The following SPATA7 variants were observed in gnomAD, a reference collection of about 807,000 sequenced individuals.
The protein encoded by SPATA7 is spermatogenesis associated 7, also known as spermatogenesis-associated protein 7.
A neutral mutation model predicts 51.8 loss-of-function variants in SPATA7; 43 were observed. The observed-to-expected ratio is 0.83, with a 90% CI of 0.65 to 1.07. The LOEUF is 1.07. SPATA7 is among the 50% of genes least tolerant of loss of function. The pLI, the probability that SPATA7 is intolerant of heterozygous loss-of-function variation, is 0.00. For missense variants in SPATA7, 683 were observed against 701.3 expected (o/e 0.97, Z 0.30); for synonymous variants, 230 against 252.8 (o/e 0.91, Z 0.86).
At chr14:88,433,294 A>C (rs544353546) in intron 10 of SPATA7, 82 bp downstream of exon 10, 15 of 1,025,120 alleles carry the variant, frequency 1.5e-5, no homozygotes, top group Non-Finnish European at 2.0e-5. Flanking sequence ...TTAAAATTTT[A>C]AAGTTATTTT....
Position 88,386,369 on chromosome 14 carries a change from TA to T in SPATA7, c.19+534del, listed in dbSNP as rs1197804606. Among the ~76,000 whole-genome samples, 4 of 152,290 alleles carry T rather than the reference TA, an allele frequency of 2.6e-5. No individual in the cohort carries two copies. The East Asian group carries it at 5.8e-4, about 22-fold the overall frequency. ...AACTACCTCCCCCAAAGCTACTGAG[TA>T]ACCCAGGGTTTCTGTAACTTTCTGT... is the stretch of plus-strand genomic sequence containing the variant. On this transcript the variant is annotated intron_variant, in intron 1 of 11. Coordinates refer to ENST00000393545, the MANE Select transcript of SPATA7 (RefSeq NM_018418.5).
At chr14:88,420,666 C>A (rs942370697) in intron 5 of SPATA7, among the ~76,000 whole-genome samples, 14 of 152,150 alleles carry the variant, frequency 9.2e-5, no homozygotes, top group African/African-American at 3.4e-4. Flanking sequence ...TAGCAATGAT[C>A]AGCTCAGAGC....
At chr14:88,447,277 G>T (rs2077220430) in intron 3 of SPATA7, among the ~76,000 whole-genome samples, 1 of 150,068 alleles carries the variant, frequency 6.7e-6, no homozygotes, top group African/African-American at 2.5e-5. Flanking sequence ...TTGGTTTAAA[G>T]TCTGTTTTAT....
At chr14:88,459,448 G>A (rs1349595033), downstream of SPATA7, among the ~76,000 whole-genome samples, 1 of 152,308 alleles carries the variant, frequency 6.6e-6, no homozygotes, top group East Asian at 1.9e-4. Flanking sequence ...AGCTCTTCTT[G>A]TTGAATTGAT....
rs1190095004 is a variant in SPATA7, at chr14:88,415,500, T to TAAAAAATAAAATA, written c.239-1211_239-1210insAAAAAATAAAATA. On this transcript the variant is annotated intron_variant, in intron 4 of 11. Transcript: ENST00000393545. ...GGTTGGGTCTTGTTTTTTGTTTTTT[T>TAAAAAATAAAATA]TTAAATAAAATATTATTTTATTTTT... Among the ~76,000 whole-genome samples, 1,229 of 151,250 alleles carry TAAAAAATAAAATA rather than the reference T, an allele frequency of 8.1e-3. 15 individuals are homozygous for TAAAAAATAAAATA. Among genetic ancestry groups the TAAAAAATAAAATA allele is most frequent in the African/African-American group, 0.028 (1,139 of 40,890 alleles).
At chr14:88,458,541 G>A (rs150356287), downstream of SPATA7, among the ~76,000 whole-genome samples, 2 of 152,268 alleles carry the variant, frequency 1.3e-5, no homozygotes, top group East Asian at 1.9e-4. Flanking sequence ...TCTGATGGTA[G>A]CTTGTATTTC....
At chr14:88,448,277 T>A (rs1298462506) in intron 3 of SPATA7, among the ~76,000 whole-genome samples, 1 of 152,224 alleles carries the variant, frequency 6.6e-6, no homozygotes, top group African/African-American at 2.4e-5. Context: ...TTGATCGCAT[T>A]GGCTCCTGAG....
chr14:88,467,991 C>T (rs560507130), intron 4 of SPATA7: 50 of 1,021,492 alleles, frequency 4.9e-5, no homozygotes, highest in African/African-American at 3.6e-4. Context: ...TTTCCTTCAG[C>T]GTGCCGCCAT....
intron 2 of SPATA7, among the ~76,000 whole-genome samples, chr14:88,393,133 AC>A (rs1566747665): frequency 6.6e-6 from 1 of 152,166 alleles, no homozygotes; most frequent in African/African-American, 2.4e-5. Context: ...AAATGTAATG[AC>A]AGATCATATC....
At chr14:88,391,861 G>T (rs2075755664) in intron 2 of SPATA7, 3 of 183,336 alleles carry the variant, frequency 1.6e-5, no homozygotes, top group African/African-American at 2.4e-5. Context: ...AAGGCCTATG[G>T]GCCTCTTTAT....
chr14:88,446,535 G>A lies in SPATA7; in HGVS notation c.178-8525G>A, dbSNP rs2077214211. Among the ~76,000 whole-genome samples, 4 of 150,952 alleles carry A rather than the reference G, an allele frequency of 2.6e-5. No individual in the cohort carries two copies. The South Asian group carries it at 8.3e-4, about 31-fold the overall frequency. Reference sequence around the variant, plus strand: ...TCTTGCCTTCTGCTAGCTTTTGAATGTGTTTGCTCTTGCTTTTCTAGTTCT... The same window carrying A: ...TCTTGCCTTCTGCTAGCTTTTGAATATGTTTGCTCTTGCTTTTCTAGTTCT... On this transcript the variant is annotated intron_variant, in intron 3 of 3. Coordinates refer to the SPATA7 transcript ENST00000554802.
In SPATA7 at chr14:88,385,696, C is replaced by CCTG. The variant is rs2075548001; in HGVS notation, c.-115_-113dup. The CCTG allele has an allele frequency of 1.0e-6, 1 of 967,228 alleles. No individual in the cohort carries two copies. The highest frequency in any genetic ancestry group is 2.6e-5 in the East Asian group (1 of 38,616). The allele number at this position is 967,228 out of a possible 1,614,324, so 59.9% of individuals were successfully genotyped here. A position where few individuals can be genotyped will look rare whatever the true frequency, so the allele number is the denominator to read the frequency against. On this transcript the variant is annotated 5_prime_UTR_variant, in exon 1 of 12. Transcript: ENST00000393545. ...TTAGCAACGGCCTGGCAACGGTTTC[C>CCTG]CTGCTGCTGCAGCCCCCGTCGGCTC... is the stretch of plus-strand genomic sequence containing the variant.
intron 3 of SPATA7, among the ~76,000 whole-genome samples, chr14:88,447,465 G>C (rs942112196): frequency 3.3e-5 from 5 of 151,982 alleles, no homozygotes; most frequent in African/African-American, 1.2e-4. Context: ...ATTTTAATTG[G>C]AGCATTTAGT....
chr14:88,405,900 A>T (rs2076188216), intron 4 of SPATA7, among the ~76,000 whole-genome samples: 1 of 152,206 alleles, frequency 6.6e-6, no homozygotes, highest in Admixed American at 6.5e-5. Flanking sequence ...TAAAATGTAG[A>T]TTTAGCTAGT....
rs147767749 is a variant in SPATA7 at position 88,421,847 on chromosome 14, G to A, written c.373-4385G>A. On this transcript the variant is annotated intron_variant, in intron 5 of 11. Coordinates refer to ENST00000393545, the MANE Select transcript of SPATA7 (RefSeq NM_018418.5). ...ACCTGTACTCCTAGCTACTCAGGAG[G>A]CTGAGGCAGAAGAATCGCTTGAGTC... Among the ~76,000 whole-genome samples, 1,234 of 151,956 alleles carry A rather than the reference G, an allele frequency of 8.1e-3. 6 individuals are homozygous for A. The highest frequency in any genetic ancestry group is 0.028 in the African/African-American group (1,174 of 41,422).
In SPATA7 at chr14:88,469,378, TAAAAC is replaced by T. The variant is rs2077418264; in HGVS notation, c.255-466_255-462del. The T allele has an allele frequency of 7.9e-5, 75 of 946,170 alleles. No homozygotes were observed. The South Asian group carries it at 1.2e-3, about 16-fold the overall frequency. The allele number at this position is 946,170 out of a possible 1,614,324, so 58.6% of individuals were successfully genotyped here. Reference sequence around the variant, plus strand: ...CCCAAAACACTTGTATTCTTTATGTTAAAACAAGTCCGAAGCTTATATGAGATAAC... The same window carrying T: ...CCCAAAACACTTGTATTCTTTATGTTAAGTCCGAAGCTTATATGAGATAAC... On this transcript the variant is annotated intron_variant, in intron 4 of 4. Coordinates refer to the SPATA7 transcript ENST00000556406. This position sits in a 1 kb window ranked among gnomAD's most constrained non-coding sequence, Gnocchi z 4.3.
At position 88,385,719 on chromosome 14, in the gene SPATA7, C is replaced by A; in HGVS notation, c.-100C>A. ...TCCCTGCTGCTGCAGCCCCCGTCGG[C>A]TCCTCTTTTCCAGTCCTCCACTGCC... On this transcript the variant is annotated 5_prime_UTR_variant, in exon 1 of 12. Coordinates refer to ENST00000393545, the MANE Select transcript of SPATA7 (RefSeq NM_018418.5). 8.4e-7 allele frequency: 1 copy of A among 1,195,070 alleles called. No individual in the cohort carries two copies. Among genetic ancestry groups the A allele is most frequent in the Non-Finnish European group, 1.2e-6 (1 of 821,206 alleles). 74.0% of individuals were successfully genotyped at this position (1,195,070 alleles called of 1,614,324 possible).
At chr14:88,453,394 C>A (rs906509671) in intron 3 of SPATA7, among the ~76,000 whole-genome samples, 1 of 152,170 alleles carries the variant, frequency 6.6e-6, no homozygotes, top group Non-Finnish European at 1.5e-5. Context: ...TTAACATCAT[C>A]ATTAGAAGGC....
chr14:88,450,482 T>C (rs908282249), intron 3 of SPATA7, among the ~76,000 whole-genome samples: 6 of 152,198 alleles, frequency 3.9e-5, no homozygotes, highest in African/African-American at 1.2e-4. Flanking sequence ...GCAGTTCTTT[T>C]AGTGCTGGCT....
Sources: allele counts gnomAD v4.1 joint callset (sites outside exome capture counted in the v4.1 genomes callset), GRCh38; gene constraint gnomAD v4.1.1; non-coding constraint Gnocchi (gnomAD v3.1); transcripts MANE v1.5; gene names NCBI Gene and HGNC (gene_info 2026-07-23, HGNC 2026-07-21).